Variants in C11orf87 observed in about 807,000 individuals in gnomAD.
The protein encoded by C11orf87 is chromosome 11 open reading frame 87.
C11orf87 carries 3 observed loss-of-function variants against 9.2 expected under a neutral mutation model. The observed-to-expected ratio is 0.33, with a 90% CI of 0.15 to 0.84. C11orf87 has a LOEUF of 0.84. Among genes scored for constraint, C11orf87 ranks in the 40% least tolerant of loss-of-function variants. The pLI, the probability that C11orf87 is intolerant of heterozygous loss-of-function variation, is 0.55. For synonymous variants in C11orf87, 124 were observed against 124.6 expected, an observed-to-expected ratio of 1.00 and a Z score of 0.03; for missense variants, 256 against 270.7, an observed-to-expected ratio of 0.95 and a Z score of 0.38.
At position 109,429,091 on chromosome 11, in the gene C11orf87, T is replaced by G. The variant is rs1357191195; in HGVS notation, c.*4864T>G. 1.3e-5 allele frequency: 2 copies of G among 152,220 alleles called. No individual in the cohort carries two copies. The highest frequency in any genetic ancestry group is 4.8e-5 in the African/African-American group (2 of 41,462). The allele number at this position is 152,220 out of a possible 1,614,324, so 9.4% of individuals were successfully genotyped here. On this transcript the variant is annotated 3_prime_UTR_variant, in exon 2 of 2. Transcript: ENST00000327419. Reference sequence around the variant, plus strand: ...ATGGAAATTTTGTTTTGCTTTTCTATCAATAAAAGAGTTTTCTTGTTAATT... The same window carrying G: ...ATGGAAATTTTGTTTTGCTTTTCTAGCAATAAAAGAGTTTTCTTGTTAATT...
In C11orf87 at chr11:109,426,879, T is replaced by C. The variant is rs1044104770; in HGVS notation, c.*2652T>C. 5.9e-5 allele frequency: 9 copies of C among 152,208 alleles called. No individual in the cohort carries two copies. Among genetic ancestry groups the C allele is most frequent in the Admixed American group, 5.2e-4 (8 of 15,282 alleles). 9.4% of individuals were successfully genotyped at this position (152,208 alleles called of 1,614,324 possible). ...ATATTACTTTCTTTCCCTTATTTGG[T>C]GCACTTTCTACAGCGAATAATTTCC... is the stretch of plus-strand genomic sequence containing the variant. On this transcript the variant is annotated 3_prime_UTR_variant, in exon 2 of 2. Transcript: ENST00000327419.
At position 109,424,243 on chromosome 11, in the gene C11orf87, C is replaced by T. The variant is rs374166066; in HGVS notation, c.*16C>T. The stretch of plus-strand genomic sequence containing the variant: ...ACTGTCCTGATCGTCTAGCCCCTCT[C>T]GTTCCCCGTCCTCGTTTCCAGCATC... On this transcript the variant is annotated 3_prime_UTR_variant, in exon 2 of 2. Coordinates refer to ENST00000327419, the MANE Select transcript of C11orf87 (RefSeq NM_207645.4). The surrounding 1 kb of genome is among the most constrained non-coding windows in gnomAD (Gnocchi z 4.7). The T allele has an allele frequency of 8.7e-5, 138 of 1,586,504 alleles. No homozygotes were observed. The highest frequency in any genetic ancestry group is 1.1e-4 in the Non-Finnish European group (130 of 1,162,646).
rs1213771832 is a variant in C11orf87, at chr11:109,423,127, C to A, written c.-259-248C>A. Among the ~76,000 whole-genome samples, 2 of 152,188 alleles carry A rather than the reference C, an allele frequency of 1.3e-5. No individual in the cohort carries two copies. Among genetic ancestry groups the A allele is most frequent in the African/African-American group, 2.4e-5 (1 of 41,458 alleles). On this transcript the variant is annotated intron_variant, in intron 1 of 1. Coordinates refer to ENST00000327419, the MANE Select transcript of C11orf87 (RefSeq NM_207645.4). This position sits in a 1 kb window ranked among gnomAD's most constrained non-coding sequence, Gnocchi z 5.3. Reference sequence around the variant, plus strand: ...AAGGGCGGAAGGGAGGCTGCCTTATCTGCTGAGTAATCTGCACCTCCGCGG... The same window carrying A: ...AAGGGCGGAAGGGAGGCTGCCTTATATGCTGAGTAATCTGCACCTCCGCGG...
In C11orf87 at chr11:109,427,688, G is replaced by A. The variant is rs1860591321; in HGVS notation, c.*3461G>A. 1 of 152,110 alleles carries A rather than the reference G, an allele frequency of 6.6e-6. No individual in the cohort carries two copies. Among genetic ancestry groups the A allele is most frequent in the Non-Finnish European group, 1.5e-5 (1 of 68,000 alleles). 9.4% of individuals were successfully genotyped at this position (152,110 alleles called of 1,614,324 possible). On this transcript the variant is annotated 3_prime_UTR_variant, in exon 2 of 2. Coordinates refer to ENST00000327419, the MANE Select transcript of C11orf87 (RefSeq NM_207645.4). ...CTATTCAGTATTAATAAGGTGGCAT[G>A]CTTGATTCTTATTGTTTTTAAAAAT...
chr11:109,423,082 G>A lies in C11orf87; in HGVS notation c.-259-293G>A, dbSNP rs1307548806. 6.6e-6 allele frequency among the ~76,000 whole-genome samples: 1 copy of A among 152,148 alleles called. No homozygotes were observed. The highest frequency in any genetic ancestry group is 2.4e-5 in the African/African-American group (1 of 41,450). On this transcript the variant is annotated intron_variant, in intron 1 of 1. Coordinates refer to ENST00000327419, the MANE Select transcript of C11orf87 (RefSeq NM_207645.4). The surrounding 1 kb of genome is among the most constrained non-coding windows in gnomAD (Gnocchi z 5.3). ...CTTCAACCAAAGCGGCTGCGTGTCT[G>A]TTGCAATTATAAAGTTGTGAAGGGC...
chr11:109,422,722 CTTTTTTTTTTT>C (rs772868114), intron 1 of C11orf87, among the ~76,000 whole-genome samples: 2 of 71,414 alleles, frequency 2.8e-5, no homozygotes, highest in African/African-American at 1.4e-4. Context: ...GCTTCAGCTG[CTTTTTTTTTTT>C]TTTTTTTTTT....
At position 109,425,869 on chromosome 11, in the gene C11orf87, G is replaced by C. The variant is rs1267305815; in HGVS notation, c.*1642G>C. 1 of 152,210 alleles carries C rather than the reference G, an allele frequency of 6.6e-6. No individual in the cohort carries two copies. Among genetic ancestry groups the C allele is most frequent in the African/African-American group, 2.4e-5 (1 of 41,420 alleles). The allele number at this position is 152,210 out of a possible 1,614,324, so 9.4% of individuals were successfully genotyped here. On this transcript the variant is annotated 3_prime_UTR_variant, in exon 2 of 2. Coordinates refer to ENST00000327419, the MANE Select transcript of C11orf87 (RefSeq NM_207645.4). ...AAGCTAGATCCAGTAATTACTTATA[G>C]GATACAAATGTTTGCAGCTTGTTTG... is the stretch of plus-strand genomic sequence containing the variant.
rs571783438 is a variant in C11orf87, at chr11:109,427,199, A to G, written c.*2972A>G. On this transcript the variant is annotated 3_prime_UTR_variant, in exon 2 of 2. Transcript: ENST00000327419. ...CAACGTGGGCACACATCTGTAATAC[A>G]CTTTTATTGTGCAACTTTAAATGTG... 1 of 152,310 alleles carries G rather than the reference A, an allele frequency of 6.6e-6. No individual in the cohort carries two copies. The highest frequency in any genetic ancestry group is 2.1e-4 in the South Asian group (1 of 4,822). The allele number at this position is 152,310 out of a possible 1,614,324, so 9.4% of individuals were successfully genotyped here.
rs1382596140 is a variant in C11orf87 at position 109,426,201 on chromosome 11, T to G, written c.*1974T>G. The G allele has an allele frequency of 6.6e-6, 1 of 152,142 alleles. No individual in the cohort carries two copies. The highest frequency in any genetic ancestry group is 2.4e-5 in the African/African-American group (1 of 41,424). The allele number at this position is 152,142 out of a possible 1,614,324, so 9.4% of individuals were successfully genotyped here. A position where few individuals can be genotyped will look rare whatever the true frequency, so the allele number is the denominator to read the frequency against. On this transcript the variant is annotated 3_prime_UTR_variant, in exon 2 of 2. Transcript: ENST00000327419. The stretch of plus-strand genomic sequence containing the variant: ...GACAGCTATTCAAATTTTTGGAAAA[T>G]GTATGAATGAAAGTGATCTGCAAAA...
At position 109,423,127 on chromosome 11, in the gene C11orf87, C is replaced by G. The variant is rs1213771832; in HGVS notation, c.-259-248C>G. ...AAGGGCGGAAGGGAGGCTGCCTTAT[C>G]TGCTGAGTAATCTGCACCTCCGCGG... On this transcript the variant is annotated intron_variant, in intron 1 of 1. Transcript: ENST00000327419. This position sits in a 1 kb window ranked among gnomAD's most constrained non-coding sequence, Gnocchi z 5.3. Among the ~76,000 whole-genome samples the G allele has an allele frequency of 6.6e-6, 1 of 152,188 alleles. No homozygotes were observed. Among genetic ancestry groups the G allele is most frequent in the Non-Finnish European group, 1.5e-5 (1 of 68,032 alleles).
chr11:109,424,282 C>T lies in C11orf87; in HGVS notation c.*55C>T, dbSNP rs1860541469. The stretch of plus-strand genomic sequence containing the variant: ...GTTTCCAGCATCTTTGCCACCCTTG[C>T]TTTTTTCCTTCTTCCTTCCTTTTCC... On this transcript the variant is annotated 3_prime_UTR_variant, in exon 2 of 2. Transcript: ENST00000327419. The surrounding 1 kb of genome is among the most constrained non-coding windows in gnomAD (Gnocchi z 4.7). 9 of 1,419,266 alleles carry T rather than the reference C, an allele frequency of 6.3e-6. No individual in the cohort carries two copies. The South Asian group carries it at 7.5e-5, about 12-fold the overall frequency. 87.9% of individuals were successfully genotyped at this position (1,419,266 alleles called of 1,614,324 possible). A position where few individuals can be genotyped will look rare whatever the true frequency, so the allele number is the denominator to read the frequency against.
At position 109,424,145 on chromosome 11, in the gene C11orf87, C is replaced by G; in HGVS notation, c.512C>G (p.Ser171Cys). ...GCTCCTCCGCCTCCACCGCCAGCCT[C>G]CAGTCCCCAAGGAGCACACGCAGCT... ...PCAPPPPPPA[S>C]SPQGAHAASS... is the part of the protein sequence containing the mutation. Residue 171 changes from serine to cysteine, a missense_variant, in exon 2 of 2, where the codon TCC (serine) becomes TGC (cysteine). Transcript: ENST00000327419. This position sits in a 1 kb window ranked among gnomAD's most constrained non-coding sequence, Gnocchi z 4.7. The G allele has an allele frequency of 1.2e-6, 2 of 1,614,136 alleles. No homozygotes were observed. The highest frequency in any genetic ancestry group is 1.7e-6 in the Non-Finnish European group (2 of 1,180,042).
In C11orf87 at chr11:109,423,862, C is replaced by T; in HGVS notation, c.229C>T (p.Leu77=). ...LVTLIFCLIV[L]SLSTFHIHKR... The stretch of plus-strand genomic sequence containing the variant: ...TACCCTCATCTTCTGCCTCATCGTG[C>T]TGTCCCTCTCCACTTTCCACATCCA... The change falls in exon 2 of 2, where the codon CTG becomes TTG. Residue 77 remains leucine (L), a synonymous_variant. Transcript: ENST00000327419. The surrounding 1 kb of genome is among the most constrained non-coding windows in gnomAD (Gnocchi z 5.3). 6.2e-7 allele frequency: 1 copy of T among 1,614,162 alleles called. No individual in the cohort carries two copies. Among genetic ancestry groups the T allele is most frequent in the Middle Eastern group, 1.6e-4 (1 of 6,062 alleles).
At chr11:109,422,822 G>C (rs1182359624) in intron 1 of C11orf87, among the ~76,000 whole-genome samples, 1 of 149,382 alleles carries the variant, frequency 6.7e-6, no homozygotes, top group South Asian at 2.2e-4. Context: ...CCGCGGTCGC[G>C]GACAGAGGCA....
Position 109,423,412 on chromosome 11 carries a change from G to T in C11orf87, c.-222G>T. On this transcript the variant is annotated 5_prime_UTR_variant, in exon 2 of 2. Coordinates refer to ENST00000327419, the MANE Select transcript of C11orf87 (RefSeq NM_207645.4). The surrounding 1 kb of genome is among the most constrained non-coding windows in gnomAD (Gnocchi z 5.3). ...GCAAAGGAAAGGGGAGCGTGGAGAC[G>T]TGTTCGAGGTGGTATCGGCGAGGAT... 1.7e-6 allele frequency: 1 copy of T among 581,544 alleles called. No homozygotes were observed. The highest frequency in any genetic ancestry group is 3.0e-6 in the Non-Finnish European group (1 of 330,176). The allele number at this position is 581,544 out of a possible 1,614,324, so 36.0% of individuals were successfully genotyped here. A position where few individuals can be genotyped will look rare whatever the true frequency, so the allele number is the denominator to read the frequency against.
Position 109,423,859 on chromosome 11 carries a change from G to T in C11orf87, c.226G>T (p.Val76Leu), listed in dbSNP as rs574525177. 4.3e-6 allele frequency: 7 copies of T among 1,614,108 alleles called. No individual in the cohort carries two copies. The Admixed American group carries it at 1.0e-4, about 23-fold the overall frequency. ...VLVTLIFCLI[V>L]LSLSTFHIHK... ...GGTTACCCTCATCTTCTGCCTCATC[G>T]TGCTGTCCCTCTCCACTTTCCACAT... Residue 76 changes from valine (V) to leucine (L), a missense_variant, in exon 2 of 2, where the codon GTG becomes TTG. Transcript: ENST00000327419. The surrounding 1 kb of genome is among the most constrained non-coding windows in gnomAD (Gnocchi z 5.3).
rs1233631005 is a variant in C11orf87 at position 109,423,762 on chromosome 11, C to A, written c.129C>A (p.Ser43Arg). The A allele has an allele frequency of 1.1e-5, 17 of 1,613,874 alleles. No homozygotes were observed. Among genetic ancestry groups the A allele is most frequent in the Non-Finnish European group, 1.4e-5 (17 of 1,179,908 alleles). Residue 43 changes from serine to arginine, a missense_variant, in exon 2 of 2, where the codon AGC becomes AGA. Physicochemically the swap from Ser to Arg is moderately radical, Grantham distance 110. Coordinates refer to ENST00000327419, the MANE Select transcript of C11orf87 (RefSeq NM_207645.4). This position sits in a 1 kb window ranked among gnomAD's most constrained non-coding sequence, Gnocchi z 5.3. ...TGARGPGAVG[S>R]GTCITQVGQQ... ...CCCGCGGCCCAGGCGCAGTAGGCAGCGGCACCTGCATCACGCAGGTGGGAC... is the reference window on the plus strand; with the variant it reads ...CCCGCGGCCCAGGCGCAGTAGGCAGAGGCACCTGCATCACGCAGGTGGGAC...
In C11orf87 at chr11:109,423,670, T is replaced by C. The variant is rs1195723253; in HGVS notation, c.37T>C (p.Leu13=). ...GGCGCCGAAGGAGCTGAGGCTGGCG[T>C]TGCCGCCGTGTCTCCTCAACCGGAC... ...ARAPKELRLA[L]PPCLLNRTFA... The change falls in exon 2 of 2, where the codon TTG becomes CTG. Residue 13 remains leucine, a synonymous_variant. Transcript: ENST00000327419. The surrounding 1 kb of genome is among the most constrained non-coding windows in gnomAD (Gnocchi z 5.3). 1.2e-6 allele frequency: 2 copies of C among 1,607,564 alleles called. No homozygotes were observed. Among genetic ancestry groups the C allele is most frequent in the East Asian group, 2.2e-5 (1 of 44,832 alleles).
Position 109,423,656 on chromosome 11 carries a change from A to G in C11orf87, c.23A>G (p.Glu8Gly). Residue 8 changes from glutamate (E) to glycine (G), a missense_variant, in exon 2 of 2, where the codon GAG becomes GGG. Physicochemically the swap from Glu to Gly is moderately conservative, Grantham distance 98 (BLOSUM62 -2). Transcript: ENST00000327419. The surrounding 1 kb of genome is among the most constrained non-coding windows in gnomAD (Gnocchi z 5.3). Reference sequence around the variant, plus strand: ...CCAATGAGTGCCAGGGCGCCGAAGGAGCTGAGGCTGGCGTTGCCGCCGTGT... The same window carrying G: ...CCAATGAGTGCCAGGGCGCCGAAGGGGCTGAGGCTGGCGTTGCCGCCGTGT... MSARAPKELRLALPPCLL... is the reference protein window; with the variant it reads MSARAPKGLRLALPPCLL... 6.2e-7 allele frequency: 1 copy of G among 1,604,192 alleles called. No individual in the cohort carries two copies. Among genetic ancestry groups the G allele is most frequent in the Non-Finnish European group, 8.5e-7 (1 of 1,179,454 alleles).
Sources: allele counts gnomAD v4.1 joint callset (sites outside exome capture counted in the v4.1 genomes callset), GRCh38; gene constraint gnomAD v4.1.1; non-coding constraint Gnocchi (gnomAD v3.1); transcripts MANE v1.5; gene names NCBI Gene and HGNC (gene_info 2026-07-23, HGNC 2026-07-21).